Variants in LEMD3 observed in about 807,000 individuals in gnomAD.
The protein encoded by LEMD3 is inner nuclear membrane protein Man1.
LEMD3 carries 33 observed loss-of-function variants against 95.2 expected under a neutral mutation model. The ratio of observed to expected loss-of-function variants is 0.35; its 90% confidence interval spans 0.26 to 0.46. LEMD3 has a LOEUF of 0.46. LEMD3 is among the 20% of genes least tolerant of loss of function. The probability of loss-of-function intolerance (pLI) is 1.00; values close to 1 mark genes in which losing one functional copy is unlikely to be tolerated. For synonymous variants in LEMD3, 525 were observed against 474.6 expected (o/e 1.11, Z -1.38); for missense variants, 1,210 against 1,192.8 (o/e 1.01, Z -0.21).
intron 1 of LEMD3, 99 bp downstream of exon 1, chr12:65,171,217 G>A: frequency 6.3e-7 from 1 of 1,576,388 alleles, no homozygotes; most frequent in Non-Finnish European, 8.6e-7. Context: ...TTACCTGCAA[G>A]AATATGGTTT....
At chr12:65,231,140 T>C (rs1870613872) in intron 4 of LEMD3, among the ~76,000 whole-genome samples, 1 of 152,192 alleles carries the variant, frequency 6.6e-6, no homozygotes, top group Non-Finnish European at 1.5e-5. Flanking sequence ...ATGTTAATAC[T>C]CTTTTTTTAT....
chr12:65,228,985 C>T (rs1198634647), intron 4 of LEMD3, among the ~76,000 whole-genome samples: 1 of 152,200 alleles, frequency 6.6e-6, no homozygotes, highest in African/African-American at 2.4e-5. Flanking sequence ...GACCCTCCAC[C>T]TGCCACTTTG....
At chr12:65,210,905 C>CT (rs775032993) in intron 1 of LEMD3, 21 bp from the exon 2 acceptor site, 29 of 1,569,026 alleles carry the variant, frequency 1.8e-5, no homozygotes, top group South Asian at 1.2e-4. Flanking sequence ...TAATACTTGT[C>CT]TTTTTTTCCT....
intron 4 of LEMD3, 46 bp from the exon 5 acceptor site, chr12:65,238,456 C>T (rs1229461112): frequency 9.3e-6 from 11 of 1,185,112 alleles, no homozygotes; most frequent in Middle Eastern, 2.3e-4. Flanking sequence ...TACAGAGAGT[C>T]GAATGTAGAT....
chr12:65,185,683 A>G (rs550236059), intron 1 of LEMD3, among the ~76,000 whole-genome samples: 1 of 150,374 alleles, frequency 6.7e-6, no homozygotes, highest in African/African-American at 2.4e-5. Flanking sequence ...TAAATTTTAT[A>G]TATAATATAT....
chr12:65,171,175 T>G lies in LEMD3; in HGVS notation c.1522+57T>G, dbSNP rs991085420. ...AAGAGAATGTTGTTAGTGGTCCGCT[T>G]TAGCCGCGCTTAGCGTTTTACATGA... On this transcript the variant is annotated intron_variant, in intron 1 of 12. Transcript: ENST00000308330. 17 of 1,598,734 alleles carry G rather than the reference T, an allele frequency of 1.1e-5. No individual in the cohort carries two copies. In the African/African-American group the frequency reaches 1.9e-4, roughly 18 times the overall value.
intron 4 of LEMD3, 54 bp from the exon 5 acceptor site, chr12:65,238,448 C>G (rs532049511): frequency 1.4e-4 from 148 of 1,089,032 alleles, no homozygotes; most frequent in Admixed American, 3.5e-4. Context: ...GGATACTTTA[C>G]AGAGAGTCGA....
chr12:65,202,804 T>G (rs1303398337), intron 1 of LEMD3, among the ~76,000 whole-genome samples: 1 of 152,196 alleles, frequency 6.6e-6, no homozygotes, highest in African/African-American at 2.4e-5. Flanking sequence ...GGAATTGGTC[T>G]GTTTCATCAA....
chr12:65,205,071 G>A (rs1306402968), intron 1 of LEMD3, among the ~76,000 whole-genome samples: 1 of 152,148 alleles, frequency 6.6e-6, no homozygotes, highest in East Asian at 1.9e-4. Flanking sequence ...GCAGAAGCAA[G>A]TACCTTTTTC....
At chr12:65,183,096 G>A (rs888497550) in intron 1 of LEMD3, among the ~76,000 whole-genome samples, 1 of 152,122 alleles carries the variant, frequency 6.6e-6, no homozygotes, top group African/African-American at 2.4e-5. Context: ...TACCAGTGAT[G>A]GTTTAGACCA....
At chr12:65,217,659 A>G (rs1359981804) in intron 3 of LEMD3, among the ~76,000 whole-genome samples, 1 of 152,226 alleles carries the variant, frequency 6.6e-6, no homozygotes, top group Admixed American at 6.5e-5. Flanking sequence ...AACCACTTAT[A>G]GTCTAAAGAA....
intron 4 of LEMD3, among the ~76,000 whole-genome samples, chr12:65,218,913 C>T (rs891780750): frequency 1.3e-5 from 2 of 151,426 alleles, no homozygotes; most frequent in African/African-American, 2.4e-5. Context: ...CTCAGCCTCG[C>T]GAGTAGCTGG....
chr12:65,187,800 G>A (rs1869113783), intron 1 of LEMD3, among the ~76,000 whole-genome samples: 1 of 152,080 alleles, frequency 6.6e-6, no homozygotes, highest in Admixed American at 6.6e-5. Context: ...GTCCTTCAAA[G>A]TAGTAAGAGT....
chr12:65,242,851 T>A (rs1236053287), intron 9 of LEMD3, among the ~76,000 whole-genome samples: 1 of 152,208 alleles, frequency 6.6e-6, no homozygotes, highest in Non-Finnish European at 1.5e-5. Flanking sequence ...CTTAAAACAG[T>A]TGAGTGGCTA....
intron 1 of LEMD3, among the ~76,000 whole-genome samples, chr12:65,179,913 A>G (rs1297250085): frequency 6.6e-6 from 1 of 152,102 alleles, no homozygotes; most frequent in Non-Finnish European, 1.5e-5. Flanking sequence ...TTTGATTTTC[A>G]TATTTAGATT....
In LEMD3 at chr12:65,215,724, CT is replaced by C. The variant is rs148734658; in HGVS notation, c.1561-245del. 0.036 allele frequency among the ~76,000 whole-genome samples: 5,401 copies of C among 151,712 alleles called. 321 individuals carry two copies. The highest frequency in any genetic ancestry group is 0.13 in the African/African-American group (5,178 of 41,388). On this transcript the variant is annotated intron_variant, in intron 2 of 12. Transcript: ENST00000308330. ...TGATGGAGTTTATTGTCTGTGAGACCTTTTTTTTAGCACTAACCTTATGCCA... is the reference window on the plus strand; with the variant it reads ...TGATGGAGTTTATTGTCTGTGAGACCTTTTTTTAGCACTAACCTTATGCCA...
Position 65,240,975 on chromosome 12 carries a change from C to A in LEMD3, c.2193C>A (p.Arg731=). The A allele has an allele frequency of 6.2e-7, 1 of 1,614,014 alleles. No individual in the cohort carries two copies. Among genetic ancestry groups the A allele is most frequent in the Non-Finnish European group, 8.5e-7 (1 of 1,179,920 alleles). The change falls in exon 9 of 13, where the codon CGC becomes CGA. Residue 731 remains arginine (R), a synonymous_variant. Coordinates refer to ENST00000308330, the MANE Select transcript of LEMD3 (RefSeq NM_014319.5). The part of the protein sequence containing the change: ...DFLAANESRV[R]TETRRIGGAD... ...TTGCTGCTAATGAGTCTAGAGTTCG[C>A]ACGGAAACACGAAGAATAGGTGGTG...
chr12:65,218,585 C>A lies in LEMD3; in HGVS notation c.1661C>A (p.Thr554Lys). Reference protein sequence around the residue: ...DHECGSSSQRTLSVQEAAAYL... With the variant: ...DHECGSSSQRKLSVQEAAAYL... ...GAATGTGGCAGTTCTAGTCAAAGAA[C>A]GCTTTCTGTTCAAGAGGCAGCTGCG... Residue 554 changes from threonine (T) to lysine (K), a missense_variant, in exon 4 of 13, where the codon ACG (threonine) becomes AAG (lysine). Coordinates refer to ENST00000308330, the MANE Select transcript of LEMD3 (RefSeq NM_014319.5). 6.2e-7 allele frequency: 1 copy of A among 1,606,560 alleles called. No homozygotes were observed. Among genetic ancestry groups the A allele is most frequent in the Non-Finnish European group, 8.5e-7 (1 of 1,175,812 alleles).
At chr12:65,245,065 A>G (rs912978370) in intron 10 of LEMD3, among the ~76,000 whole-genome samples, 4 of 152,090 alleles carry the variant, frequency 2.6e-5, no homozygotes, top group African/African-American at 4.8e-5. Context: ...TTTTAAACAT[A>G]GGAATGACCC....
Sources: allele counts gnomAD v4.1 joint callset (sites outside exome capture counted in the v4.1 genomes callset), GRCh38; gene constraint gnomAD v4.1.1; transcripts MANE v1.5; gene names NCBI Gene and HGNC (gene_info 2026-07-23, HGNC 2026-07-21).